Variants in PACSIN2 observed in about 807,000 individuals in gnomAD.
PACSIN2 encodes protein kinase C and casein kinase substrate in neurons protein 2.
Under a neutral mutation model 63.8 loss-of-function variants are expected in PACSIN2, and 25 were observed. The ratio of observed to expected loss-of-function variants is 0.39; its 90% CI spans 0.29 to 0.55. The LOEUF (loss-of-function observed/expected upper bound fraction) is 0.55. Ranked by LOEUF, PACSIN2 falls within the 20% of genes least tolerant of loss-of-function variation. PACSIN2 has a pLI of 0.62. For missense variants in PACSIN2, 518 were observed against 646.9 expected, an observed-to-expected ratio of 0.80 and a Z score of 2.16; for synonymous variants, 255 against 256.2, an observed-to-expected ratio of 1.00 and a Z score of 0.05.
Position 42,871,381 on chromosome 22 carries a change from T to G in PACSIN2, c.1437A>C (p.Ala479=), listed in dbSNP as rs373750364. ...ATCACTGGATCGCCTCCACATAATTTGCCGGGTATAGGCCAACTTGCCCGT... is the reference window on the plus strand; with the variant it reads ...ATCACTGGATCGCCTCCACATAATTGGCCGGGTATAGGCCAACTTGCCCGT... ...LDNGQVGLYP[A]NYVEAIQ is the part of the protein sequence containing the mutation. Residue 479 remains alanine, a synonymous_variant, in exon 11 of 11, where the codon GCA becomes GCC. Transcript: ENST00000263246. The surrounding 1 kb of genome is among the most constrained non-coding windows in gnomAD (Gnocchi z 5.4). 139 of 1,613,540 alleles carry G rather than the reference T, an allele frequency of 8.6e-5. No homozygotes were observed. In the African/African-American group the frequency reaches 1.6e-3, roughly 18 times the overall value.
chr22:42,981,514 A>G (rs1254258247), intron 1 of PACSIN2, among the ~76,000 whole-genome samples: 1 of 50,398 alleles, frequency 2.0e-5, no homozygotes, highest in Non-Finnish European at 3.4e-5. Flanking sequence ...CCCGTCCGGG[A>G]GGGAGGTGGG....
chr22:43,009,773 T>C (rs1402454803), intron 1 of PACSIN2, among the ~76,000 whole-genome samples: 2 of 152,164 alleles, frequency 1.3e-5, no homozygotes, highest in Non-Finnish European at 2.9e-5. Flanking sequence ...ACATGCACTT[T>C]CCAAAGGTAC....
chr22:42,879,732 A>C (rs943356414), intron 7 of PACSIN2, among the ~76,000 whole-genome samples: 2 of 152,234 alleles, frequency 1.3e-5, no homozygotes, highest in African/African-American at 4.8e-5. Context: ...TGCCATGTGG[A>C]AAGGCAGGTG....
intron 2 of PACSIN2, among the ~76,000 whole-genome samples, chr22:42,899,601 G>C (rs964995208): frequency 1.3e-5 from 2 of 152,202 alleles, no homozygotes; most frequent in African/African-American, 4.8e-5. Flanking sequence ...GGTGGAAACA[G>C]ACTGGGCAGG....
intron 1 of PACSIN2, among the ~76,000 whole-genome samples, chr22:42,924,736 C>T (rs1399549050): frequency 1.3e-5 from 2 of 152,058 alleles, no homozygotes; most frequent in East Asian, 3.9e-4. Flanking sequence ...TGTATCAGCC[C>T]CCACCCCAGT....
At chr22:42,915,166 C>A (rs1931730409) in intron 1 of PACSIN2, among the ~76,000 whole-genome samples, 1 of 152,150 alleles carries the variant, frequency 6.6e-6, no homozygotes, top group Non-Finnish European at 1.5e-5. Flanking sequence ...CCACACCGGG[C>A]CTAAGATTTA....
chr22:43,009,865 ATTTTTTTT>A (rs898985902), intron 1 of PACSIN2, among the ~76,000 whole-genome samples: 2 of 75,618 alleles, frequency 2.6e-5, no homozygotes, highest in African/African-American at 7.1e-5. Context: ...TATTTTTTCT[ATTTTTTTT>A]TTTTTTTTTT....
intron 1 of PACSIN2, among the ~76,000 whole-genome samples, chr22:42,971,008 T>C (rs955708368): frequency 2.0e-5 from 3 of 152,094 alleles, no homozygotes; most frequent in African/African-American, 7.2e-5. Flanking sequence ...CTCTCACCAC[T>C]CAGCAGTTTC....
intron 1 of PACSIN2, among the ~76,000 whole-genome samples, chr22:42,942,778 A>G (rs1933229915): frequency 6.6e-6 from 1 of 152,322 alleles, no homozygotes; most frequent in African/African-American, 2.4e-5. Flanking sequence ...GTCTATCCTT[A>G]TGCCCGCACC....
At chr22:42,942,507 C>T (rs888451191) in intron 1 of PACSIN2, among the ~76,000 whole-genome samples, 1 of 151,918 alleles carries the variant, frequency 6.6e-6, no homozygotes, top group African/African-American at 2.4e-5. Context: ...TTTTTTTAAA[C>T]GTTTTTTTAA....
chr22:42,909,809 T>C (rs1213503386), intron 2 of PACSIN2, among the ~76,000 whole-genome samples: 2 of 152,190 alleles, frequency 1.3e-5, no homozygotes, highest in Admixed American at 1.3e-4. Context: ...TAGCACTATA[T>C]TTAGCTACAT....
chr22:42,949,665 TAC>T lies in PACSIN2; in HGVS notation c.-77-37510_-77-37509del, dbSNP rs546050781. ...TCATTACAATACCCAATACCCCCAC[TAC>T]ACACACACATACACTCACACACACA... On this transcript the variant is annotated intron_variant, in intron 1 of 10. Transcript: ENST00000263246. 3.5e-3 allele frequency among the ~76,000 whole-genome samples: 530 copies of T among 150,660 alleles called. 2 individuals carry two copies. Among genetic ancestry groups the T allele is most frequent in the Non-Finnish European group, 5.9e-3 (399 of 67,632 alleles).
At chr22:42,985,321 C>T (rs116352227) in intron 1 of PACSIN2, among the ~76,000 whole-genome samples, 147 of 152,332 alleles carry the variant, frequency 9.6e-4, no homozygotes, top group African/African-American at 3.4e-3. Context: ...GGCGACAGAG[C>T]GAGACTCCAT....
intron 2 of PACSIN2, among the ~76,000 whole-genome samples, chr22:42,902,443 T>TC (rs1930759240): frequency 6.6e-6 from 1 of 152,126 alleles, no homozygotes; most frequent in Non-Finnish European, 1.5e-5. Context: ...TCTATATGTC[T>TC]CCATCATCCA....
chr22:42,879,402 G>T (rs1928905236), intron 7 of PACSIN2, among the ~76,000 whole-genome samples: 2 of 152,224 alleles, frequency 1.3e-5, no homozygotes, highest in Non-Finnish European at 2.9e-5. Context: ...CTCATCAGGG[G>T]ATCTGGAGGC....
chr22:42,931,598 G>A (rs1301065920), intron 1 of PACSIN2, among the ~76,000 whole-genome samples: 2 of 152,222 alleles, frequency 1.3e-5, no homozygotes, highest in Non-Finnish European at 2.9e-5. Flanking sequence ...GAACAGCGAG[G>A]AAGGAAGGAG....
At chr22:42,990,026 GTATATATATGTATA>G (rs1922929239) in intron 1 of PACSIN2, among the ~76,000 whole-genome samples, 1 of 23,438 alleles carries the variant, frequency 4.3e-5, no homozygotes, top group Non-Finnish European at 7.2e-5. Context: ...ACACACATAT[GTATATATATGTATA>G]TATATATATA....
At chr22:42,941,896 C>A (rs1333964045) in intron 1 of PACSIN2, among the ~76,000 whole-genome samples, 7 of 152,152 alleles carry the variant, frequency 4.6e-5, no homozygotes, top group African/African-American at 1.7e-4. Context: ...CCTGCCTCAG[C>A]CTCCTGAGTA....
chr22:42,873,188 T>A (rs1270941557), intron 10 of PACSIN2, among the ~76,000 whole-genome samples: 1 of 152,234 alleles, frequency 6.6e-6, no homozygotes, highest in Non-Finnish European at 1.5e-5. Flanking sequence ...TTCAATCAGT[T>A]TGCTTTTGAC....
Sources: allele counts gnomAD v4.1 joint callset (sites outside exome capture counted in the v4.1 genomes callset), GRCh38; gene constraint gnomAD v4.1.1; non-coding constraint Gnocchi (gnomAD v3.1); transcripts MANE v1.5; gene names NCBI Gene and HGNC (gene_info 2026-07-23, HGNC 2026-07-21).